The following SPAG1 variants were observed in gnomAD, a reference collection of about 807,000 sequenced individuals.
The protein encoded by SPAG1 is sperm-associated antigen 1.
SPAG1 carries 69 observed loss-of-function variants against 100.5 expected under a neutral mutation model. That is an observed-to-expected ratio of 0.69 (90% confidence interval 0.57 to 0.84). SPAG1 has a LOEUF of 0.84. Among genes scored for constraint, SPAG1 ranks in the 40% least tolerant of loss-of-function variants. The probability of loss-of-function intolerance (pLI) is 0.00; values close to 1 mark genes in which losing one functional copy is unlikely to be tolerated. For missense variants in SPAG1, 955 were observed against 1,133.1 expected (o/e 0.84, Z 2.26); for synonymous variants, 336 against 411.6 (o/e 0.82, Z 2.22).
chr8:100,225,349 G>A lies in SPAG1; in HGVS notation c.1855+10G>A. On this transcript the variant is annotated intron_variant, in intron 14 of 18. Transcript: ENST00000388798. ...CAGCAGGGCATCACAGGTGGGGGAT[G>A]CCTGCACTCATTTCTTCTCAAGGTT... The A allele has an allele frequency of 6.2e-7, 1 of 1,611,930 alleles. No individual in the cohort carries two copies. Among genetic ancestry groups the A allele is most frequent in the East Asian group, 2.2e-5 (1 of 44,864 alleles).
At chr8:100,165,744 C>A in intron 2 of SPAG1, 70 bp from the exon 3 acceptor site, 2 of 1,326,740 alleles carry the variant, frequency 1.5e-6, no homozygotes, top group Non-Finnish European at 2.1e-6. Context: ...TGGAACCCAG[C>A]CTGCAAACCG....
chr8:100,192,673 T>G (rs1816864790), intron 9 of SPAG1, among the ~76,000 whole-genome samples: 2 of 152,242 alleles, frequency 1.3e-5, no homozygotes, highest in Non-Finnish European at 2.9e-5. Context: ...CTTTGTCAAG[T>G]CAACATTTTA....
At position 100,184,635 on chromosome 8, in the gene SPAG1, T is replaced by C. The variant is rs765718565; in HGVS notation, c.603T>C (p.Thr201=). The change falls in exon 7 of 19, where the codon ACT becomes ACC. Residue 201 remains threonine (T), a synonymous_variant. Coordinates refer to ENST00000388798, the MANE Select transcript of SPAG1 (RefSeq NM_003114.5). ...GATAACATTTATTTCTAGGTCTAAC[T>C]GAGAAAGAAAAGGATTTTCTTGCCA... The part of the protein sequence containing the change: ...IETRIDTAGL[T]EKEKDFLATR... The C allele has an allele frequency of 6.4e-7, 1 of 1,563,162 alleles. No individual in the cohort carries two copies. The highest frequency in any genetic ancestry group is 2.4e-5 in the East Asian group (1 of 41,844).
intron 10 of SPAG1, among the ~76,000 whole-genome samples, chr8:100,205,037 G>A (rs1053059429): frequency 7.2e-5 from 11 of 152,144 alleles, no homozygotes; most frequent in African/African-American, 2.7e-4. Context: ...AAATTGATAG[G>A]AAGCCTACTG....
intron 12 of SPAG1, among the ~76,000 whole-genome samples, chr8:100,215,449 C>G (rs1817936946): frequency 6.6e-6 from 1 of 152,190 alleles, no homozygotes; most frequent in East Asian, 1.9e-4. Flanking sequence ...CTCAGAAACT[C>G]TAGTTTGAAC....
intron 13 of SPAG1, among the ~76,000 whole-genome samples, chr8:100,222,565 T>A (rs1360292964): frequency 6.6e-6 from 1 of 152,114 alleles, no homozygotes; most frequent in Non-Finnish European, 1.5e-5. Context: ...CTGGAGAAAG[T>A]AAGATCTTCT....
At chr8:100,233,943 A>T (rs1818889712) in intron 16 of SPAG1, among the ~76,000 whole-genome samples, 1 of 152,224 alleles carries the variant, frequency 6.6e-6, no homozygotes, top group Non-Finnish European at 1.5e-5. Context: ...ACCCAGCGGA[A>T]GTTGGGAGAG....
At chr8:100,195,178 G>A (rs186991838) in intron 10 of SPAG1, among the ~76,000 whole-genome samples, 23,980 of 140,390 alleles carry the variant, frequency 0.17, 2,283 homozygotes, top group South Asian at 0.24. Context: ...AAAAAAAAAA[G>A]AAAAAGAAAA....
intron 3 of SPAG1, among the ~76,000 whole-genome samples, chr8:100,171,627 A>C (rs942750210): frequency 5.3e-5 from 8 of 152,244 alleles, no homozygotes; most frequent in African/African-American, 1.7e-4. Flanking sequence ...CCTAACGTCC[A>C]AACTTTGTCT....
At chr8:100,196,087 T>C (rs1191121260) in intron 10 of SPAG1, among the ~76,000 whole-genome samples, 1 of 152,200 alleles carries the variant, frequency 6.6e-6, no homozygotes, top group Non-Finnish European at 1.5e-5. Context: ...TAGCATTCCA[T>C]TAATAGTTGT....
chr8:100,239,259 T>C lies in SPAG1; in HGVS notation c.2135T>C (p.Ile712Thr), dbSNP rs745933713. 1.2e-5 allele frequency: 18 copies of C among 1,506,202 alleles called. No homozygotes were observed. The highest frequency in any genetic ancestry group is 1.8e-4 in the Middle Eastern group (1 of 5,534). 93.3% of individuals were successfully genotyped at this position (1,506,202 alleles called of 1,614,324 possible). The change falls in exon 17 of 19, where the codon ATT becomes ACT. Residue 712 changes from isoleucine (I) to threonine (T), a missense_variant. Coordinates refer to ENST00000388798, the MANE Select transcript of SPAG1 (RefSeq NM_003114.5). This position sits in a 1 kb window ranked among gnomAD's most constrained non-coding sequence, Gnocchi z 5.0. ...TTACAGAATTATCAGAAAAGCTTAA[T>C]TGATCTCAATAAAGTTATCCTACTA... The part of the protein sequence containing the change: ...KGLKNYQKSL[I>T]DLNKVILLDP...
intron 8 of SPAG1, among the ~76,000 whole-genome samples, chr8:100,187,913 C>T (rs1471037191): frequency 6.6e-6 from 1 of 151,278 alleles, no homozygotes; most frequent in East Asian, 1.9e-4. Context: ...AGTGCAGTGG[C>T]GTGATCTCGG....
At chr8:100,180,417 G>A (rs1243364917) in intron 4 of SPAG1, among the ~76,000 whole-genome samples, 7 of 152,196 alleles carry the variant, frequency 4.6e-5, no homozygotes, top group Non-Finnish European at 1.0e-4. Flanking sequence ...TAGATATTAT[G>A]TGTTTCTCAA....
intron 16 of SPAG1, among the ~76,000 whole-genome samples, chr8:100,236,639 A>G (rs1819020004): frequency 2.0e-5 from 3 of 152,284 alleles, no homozygotes; most frequent in Admixed American, 2.0e-4. Flanking sequence ...GTTATTTTTA[A>G]TGGTGCCAGC....
chr8:100,192,652 A>G (rs1041551820), intron 9 of SPAG1, among the ~76,000 whole-genome samples: 9 of 152,196 alleles, frequency 5.9e-5, no homozygotes, highest in Non-Finnish European at 1.2e-4. Flanking sequence ...ATGTTCCTAG[A>G]ATATCAGCTG....
intron 3 of SPAG1, among the ~76,000 whole-genome samples, chr8:100,174,355 A>G (rs1378013017): frequency 6.6e-6 from 1 of 152,238 alleles, no homozygotes; most frequent in Non-Finnish European, 1.5e-5. Flanking sequence ...ATCATCATAA[A>G]GGTCTTTATC....
chr8:100,206,017 CAAAAAAAAAAAAAAAAAAAAAAA>C (rs574907013), intron 10 of SPAG1, among the ~76,000 whole-genome samples: 5 of 77,346 alleles, frequency 6.5e-5, no homozygotes, highest in Non-Finnish European at 5.1e-5. Flanking sequence ...GACTCTGTCT[CAAAAAAAAAAAAAAAAAAAAAAA>C]AAAAAAAAAA....
At chr8:100,167,120 C>G (rs1015844534) in intron 3 of SPAG1, among the ~76,000 whole-genome samples, 2 of 151,784 alleles carry the variant, frequency 1.3e-5, no homozygotes, top group Admixed American at 6.6e-5. Flanking sequence ...GAGTTCAAGG[C>G]CAGCCTAGAC....
intron 3 of SPAG1, among the ~76,000 whole-genome samples, chr8:100,168,938 C>T (rs1348876086): frequency 2.6e-5 from 4 of 151,824 alleles, no homozygotes; most frequent in African/African-American, 4.8e-5. Context: ...CTGCCCATCT[C>T]GGCCTCCCAA....
Sources: allele counts gnomAD v4.1 joint callset (sites outside exome capture counted in the v4.1 genomes callset), GRCh38; gene constraint gnomAD v4.1.1; non-coding constraint Gnocchi (gnomAD v3.1); transcripts MANE v1.5; gene names NCBI Gene and HGNC (gene_info 2026-07-23, HGNC 2026-07-21).